The following RUNX2 variants were observed in gnomAD, a reference collection of about 807,000 sequenced individuals.
The protein encoded by RUNX2 is runt-related transcription factor 2.
In RUNX2, 10 loss-of-function variants were observed where a neutral mutation model predicts 51.7. The observed-to-expected ratio is 0.19, with a 90% CI of 0.12 to 0.33. RUNX2 has a LOEUF of 0.33. Ranked by LOEUF, RUNX2 falls within the 10% of genes least tolerant of loss-of-function variation. RUNX2 has a pLI of 1.00. For synonymous variants in RUNX2, 276 were observed against 273.6 expected (o/e 1.01, Z -0.09); for missense variants, 562 against 691.3 (o/e 0.81, Z 2.10).
chr6:45,411,891 T>A (rs998860666), intron 2 of RUNX2, among the ~76,000 whole-genome samples: 6 of 152,348 alleles, frequency 3.9e-5, no homozygotes, highest in Non-Finnish European at 8.8e-5. Flanking sequence ...TGGAGAATAG[T>A]AAGCATTAAG....
intron 2 of RUNX2, among the ~76,000 whole-genome samples, chr6:45,382,175 T>G (rs769984563): frequency 1.2e-4 from 19 of 152,338 alleles, no homozygotes; most frequent in Admixed American, 9.1e-4. Context: ...TCAAACAACT[T>G]CTACATTTCA....
At chr6:45,449,167 A>G (rs1018163253) in intron 5 of RUNX2, among the ~76,000 whole-genome samples, 8 of 152,236 alleles carry the variant, frequency 5.3e-5, no homozygotes, top group Non-Finnish European at 8.8e-5. Context: ...CCTCATTGCC[A>G]TCTTTGTGAC....
chr6:45,471,209 A>G (rs1471088656), intron 5 of RUNX2, among the ~76,000 whole-genome samples: 2 of 152,124 alleles, frequency 1.3e-5, no homozygotes, highest in Non-Finnish European at 2.9e-5. Flanking sequence ...CCACTCATTG[A>G]TGTCACCAGA....
intron 4 of RUNX2, among the ~76,000 whole-genome samples, chr6:45,437,505 T>C (rs373482221): frequency 1.3e-5 from 2 of 152,172 alleles, no homozygotes; most frequent in African/African-American, 4.8e-5. Context: ...TAAAGCTATG[T>C]GAAGTAAATA....
At chr6:45,386,972 G>T (rs1582058568) in intron 2 of RUNX2, among the ~76,000 whole-genome samples, 1 of 152,236 alleles carries the variant, frequency 6.6e-6, no homozygotes, top group Non-Finnish European at 1.5e-5. Context: ...AAGACAGGTT[G>T]GAAGGGTGAA....
At chr6:45,405,330 C>T (rs1284512253) in intron 2 of RUNX2, among the ~76,000 whole-genome samples, 1 of 152,308 alleles carries the variant, frequency 6.6e-6, no homozygotes, top group East Asian at 1.9e-4. Context: ...AGAGTTGGAG[C>T]TAAACAATTT....
At chr6:45,397,261 G>A (rs1307631325) in intron 2 of RUNX2, among the ~76,000 whole-genome samples, 4 of 151,730 alleles carry the variant, frequency 2.6e-5, no homozygotes, top group Admixed American at 1.3e-4. Context: ...CCACCACCAC[G>A]TCCGGCTAAT....
In RUNX2 at chr6:45,547,997, C is replaced by T. The variant is rs1165392777; in HGVS notation, c.*692C>T. On this transcript the variant is annotated 3_prime_UTR_variant, in exon 9 of 9. Transcript: ENST00000647337. ...TTTTTAACACTCCTTCTCCCCTTTT[C>T]CCACTGAACCAAAAAGAAATCCCAT... is the stretch of plus-strand genomic sequence containing the variant. 3.3e-5 allele frequency: 5 copies of T among 151,506 alleles called. No homozygotes were observed. Among genetic ancestry groups the T allele is most frequent in the Non-Finnish European group, 5.9e-5 (4 of 67,978 alleles). 9.4% of individuals were successfully genotyped at this position (151,506 alleles called of 1,614,324 possible). A position where few individuals can be genotyped will look rare whatever the true frequency, so the allele number is the denominator to read the frequency against.
At chr6:45,516,708 T>A (rs1413661009) in intron 7 of RUNX2, among the ~76,000 whole-genome samples, 1 of 152,248 alleles carries the variant, frequency 6.6e-6, no homozygotes, top group African/African-American at 2.4e-5. Flanking sequence ...AACCACTGCA[T>A]GTCTTTATAA....
chr6:45,329,631 C>T (rs1418937127), intron 2 of RUNX2, among the ~76,000 whole-genome samples: 1 of 151,818 alleles, frequency 6.6e-6, no homozygotes, highest in African/African-American at 2.4e-5. Flanking sequence ...GCTGTTTAGT[C>T]TCATGAAAAA....
At chr6:45,437,695 GC>G (rs772895964) in intron 4 of RUNX2, among the ~76,000 whole-genome samples, 13 of 152,152 alleles carry the variant, frequency 8.5e-5, no homozygotes, top group Non-Finnish European at 1.3e-4. Context: ...CTACTGAGGA[GC>G]TTTTTTGGAA....
chr6:45,385,998 T>G (rs1797338626), intron 2 of RUNX2, among the ~76,000 whole-genome samples: 1 of 152,122 alleles, frequency 6.6e-6, no homozygotes, highest in African/African-American at 2.4e-5. Context: ...TTAAGTAGTT[T>G]TTTCTTTTCT....
chr6:45,532,572 T>C (rs1801894039), intron 7 of RUNX2, among the ~76,000 whole-genome samples: 1 of 152,284 alleles, frequency 6.6e-6, no homozygotes, highest in Non-Finnish European at 1.5e-5. Flanking sequence ...TTGCTATCCA[T>C]GGCCATTGTG....
intron 2 of RUNX2, among the ~76,000 whole-genome samples, chr6:45,332,650 G>A (rs1266870730): frequency 6.6e-6 from 1 of 151,608 alleles, no homozygotes; most frequent in Non-Finnish European, 1.5e-5. Context: ...AAAATCTTTA[G>A]ACATTTTATA....
intron 7 of RUNX2, among the ~76,000 whole-genome samples, chr6:45,519,214 A>G (rs1801424642): frequency 6.6e-6 from 1 of 152,210 alleles, no homozygotes; most frequent in African/African-American, 2.4e-5. Context: ...ACTTTTATGT[A>G]TATGTCTTAA....
At chr6:45,515,052 G>T (rs779392437) in intron 7 of RUNX2, among the ~76,000 whole-genome samples, 2 of 151,316 alleles carry the variant, frequency 1.3e-5, no homozygotes, top group African/African-American at 4.9e-5. Flanking sequence ...TCCACATAAC[G>T]CGGACAGCTA....
chr6:45,344,459 A>C (rs1221910836), intron 2 of RUNX2, among the ~76,000 whole-genome samples: 1 of 151,928 alleles, frequency 6.6e-6, no homozygotes, highest in Non-Finnish European at 1.5e-5. Flanking sequence ...TTCATGTCCA[A>C]ATGAGCAGTG....
At chr6:45,356,333 T>A (rs1453317045) in intron 2 of RUNX2, among the ~76,000 whole-genome samples, 1 of 152,086 alleles carries the variant, frequency 6.6e-6, no homozygotes, top group Non-Finnish European at 1.5e-5. Flanking sequence ...CACACACATA[T>A]ACACACATAT....
chr6:45,341,859 T>C (rs1581723451), intron 2 of RUNX2, among the ~76,000 whole-genome samples: 1 of 152,274 alleles, frequency 6.6e-6, no homozygotes. Context: ...CCTACAATTA[T>C]TCACACTTAT....
Sources: gnomAD v4.1 joint callset for allele counts (sites outside exome capture counted in the v4.1 genomes callset) on GRCh38, gnomAD v4.1.1 for gene constraint, MANE v1.5 for transcripts, NCBI Gene and HGNC (gene_info 2026-07-23, HGNC 2026-07-21) for gene names.